Variants in SIPA1L2 observed in about 807,000 individuals in gnomAD.
SIPA1L2 encodes the protein signal-induced proliferation-associated 1-like protein 2.
SIPA1L2 carries 56 observed loss-of-function variants against 163.9 expected under a neutral mutation model. That is an observed-to-expected ratio of 0.34 (90% CI 0.28 to 0.43). The LOEUF (loss-of-function observed/expected upper bound fraction) is 0.43. Ranked by LOEUF, SIPA1L2 falls within the 20% of genes least tolerant of loss-of-function variation. SIPA1L2 has a pLI of 1.00. For synonymous variants in SIPA1L2, 877 were observed against 865.7 expected (o/e 1.01, Z -0.23); for missense variants, 1,974 against 2,193.5 (o/e 0.90, Z 2.00).
chr1:232,425,883 C>G, intron 17 of SIPA1L2, 75 bp from the exon 18 acceptor site: 1 of 1,303,782 alleles, frequency 7.7e-7, no homozygotes, highest in African/African-American at 1.4e-5. Context: ...GGACTAAGTC[C>G]AGTGGTTTCA....
At chr1:232,589,470 A>C (rs1471379862) in intron 1 of SIPA1L2, among the ~76,000 whole-genome samples, 1 of 152,234 alleles carries the variant, frequency 6.6e-6, no homozygotes, top group East Asian at 1.9e-4. Flanking sequence ...CCAATTAATT[A>C]CCATAGTTAA....
At chr1:232,480,192 T>TGTGTGTG (rs1558210858) in intron 6 of SIPA1L2, among the ~76,000 whole-genome samples, 2 of 83,126 alleles carry the variant, frequency 2.4e-5, no homozygotes, top group African/African-American at 4.5e-5. Flanking sequence ...TGTGTGTGTG[T>TGTGTGTG]TTTTACAGTT....
rs1415681545 is a variant in SIPA1L2 at position 232,588,030 on chromosome 1, T to C, written c.-318-13808A>G. Among the ~76,000 whole-genome samples the C allele has an allele frequency of 2.6e-5, 4 of 152,326 alleles. No homozygotes were observed. In the East Asian group the frequency reaches 5.8e-4, roughly 22 times the overall value. ...AACTGCCCAGTCTCGGGTATGTCTT[T>C]ATCAGCAGCAGGAAAACGGACTAAT... On this transcript the variant is annotated intron_variant, in intron 1 of 22. Coordinates refer to ENST00000674635, the MANE Select transcript of SIPA1L2 (RefSeq NM_020808.5).
In SIPA1L2 at chr1:232,578,835, T is replaced by C. The variant is rs182830953; in HGVS notation, c.-318-4613A>G. 1.1e-4 allele frequency among the ~76,000 whole-genome samples: 16 copies of C among 152,322 alleles called. 1 individual carries two copies. Among genetic ancestry groups the C allele is most frequent in the South Asian group, 8.3e-4 (4 of 4,830 alleles). The stretch of plus-strand genomic sequence containing the variant: ...AAACCACAAATTCTTCAAGTAGCAA[T>C]AGGGACTGCAGAGTTTTACTTCATT... On this transcript the variant is annotated intron_variant, in intron 1 of 22. Coordinates refer to ENST00000674635, the MANE Select transcript of SIPA1L2 (RefSeq NM_020808.5).
intron 1 of SIPA1L2, among the ~76,000 whole-genome samples, chr1:232,616,343 A>G (rs1326523369): frequency 6.6e-6 from 1 of 152,228 alleles, no homozygotes; most frequent in Non-Finnish European, 1.5e-5. Context: ...ACTAGAACAG[A>G]AGCCCAGGGA....
intron 19 of SIPA1L2, among the ~76,000 whole-genome samples, chr1:232,412,119 G>C (rs1237716857): frequency 6.6e-6 from 1 of 152,158 alleles, no homozygotes; most frequent in East Asian, 1.9e-4. Context: ...AATTGGTATA[G>C]TATAGTGGTA....
intron 11 of SIPA1L2, among the ~76,000 whole-genome samples, chr1:232,444,749 T>A (rs1015708671): frequency 6.6e-6 from 1 of 152,170 alleles, no homozygotes; most frequent in African/African-American, 2.4e-5. Flanking sequence ...AGAGGATGAG[T>A]ACCAGGCCTA....
At chr1:232,549,676 T>C (rs979182949) in intron 2 of SIPA1L2, among the ~76,000 whole-genome samples, 2 of 151,828 alleles carry the variant, frequency 1.3e-5, no homozygotes, top group African/African-American at 4.8e-5. Context: ...GGAGGGAGGA[T>C]TGAGGAGAGG....
chr1:232,477,461 T>C (rs1170215755), intron 7 of SIPA1L2, among the ~76,000 whole-genome samples: 1 of 152,220 alleles, frequency 6.6e-6, no homozygotes, highest in Non-Finnish European at 1.5e-5. Flanking sequence ...GTTTGTTGAC[T>C]TCTTACCATG....
At chr1:232,530,814 TAA>T (rs60199193) in intron 2 of SIPA1L2, among the ~76,000 whole-genome samples, 10,571 of 37,560 alleles carry the variant, frequency 0.28, 1,165 homozygotes, top group African/African-American at 0.53. Flanking sequence ...AGAGGAAAAC[TAA>T]AAAGTTAAAT....
chr1:232,428,906 A>T (rs191246859), intron 16 of SIPA1L2, among the ~76,000 whole-genome samples: 6 of 152,252 alleles, frequency 3.9e-5, no homozygotes, highest in Middle Eastern at 3.4e-3. Flanking sequence ...ATCAGAGATG[A>T]TCATATGTCT....
intron 1 of SIPA1L2, among the ~76,000 whole-genome samples, chr1:232,610,487 C>T (rs1338930413): frequency 2.0e-5 from 3 of 152,200 alleles, no homozygotes; most frequent in Admixed American, 2.0e-4. Context: ...GGGAAATGTG[C>T]CTTACTTATT....
At chr1:232,540,510 TCA>T (rs1041420242) in intron 2 of SIPA1L2, among the ~76,000 whole-genome samples, 2 of 152,114 alleles carry the variant, frequency 1.3e-5, no homozygotes, top group Admixed American at 1.3e-4. Flanking sequence ...GGGAAGGAAT[TCA>T]CAGTCTTCAC....
chr1:232,463,037 T>C (rs1173175372), intron 9 of SIPA1L2, among the ~76,000 whole-genome samples: 2 of 152,150 alleles, frequency 1.3e-5, no homozygotes, highest in East Asian at 1.9e-4. Context: ...CTATGTAATT[T>C]GTGGGGCCAC....
chr1:232,593,656 G>A (rs756172819), intron 1 of SIPA1L2, among the ~76,000 whole-genome samples: 1 of 152,114 alleles, frequency 6.6e-6, no homozygotes, highest in Admixed American at 6.5e-5. Flanking sequence ...TTAGAAGTCA[G>A]AGTGGCCAGC....
rs993690303 is a variant in SIPA1L2, at chr1:232,593,724, C to T, written c.-318-19502G>A. The stretch of plus-strand genomic sequence containing the variant: ...AGATACAAATTCTCAGTAACACACA[C>T]GCACACACAAAAATAAATAAATAAA... On this transcript the variant is annotated intron_variant, in intron 1 of 22. Transcript: ENST00000674635. 3.7e-4 allele frequency among the ~76,000 whole-genome samples: 56 copies of T among 152,016 alleles called. 1 individual carries two copies. Among genetic ancestry groups the T allele is most frequent in the Non-Finnish European group, 4.1e-4 (28 of 67,994 alleles).
At chr1:232,530,071 T>C (rs1667899451) in intron 2 of SIPA1L2, among the ~76,000 whole-genome samples, 1 of 151,974 alleles carries the variant, frequency 6.6e-6, no homozygotes, top group Non-Finnish European at 1.5e-5. Flanking sequence ...GTCTTTCTTG[T>C]ATAACCAGAA....
At chr1:232,501,844 G>A (rs938618092) in intron 3 of SIPA1L2, among the ~76,000 whole-genome samples, 1 of 152,328 alleles carries the variant, frequency 6.6e-6, no homozygotes, top group South Asian at 2.1e-4. Context: ...CATGATGGGG[G>A]ACGCAGGAGG....
chr1:232,428,609 G>C (rs537520173), intron 16 of SIPA1L2, 45 bp from the exon 17 acceptor site: 1 of 1,398,716 alleles, frequency 7.1e-7, no homozygotes, highest in Non-Finnish European at 9.4e-7. Context: ...TTTGTAAAGT[G>C]CCTGTAGTGG....
Sources: allele counts gnomAD v4.1 joint callset (sites outside exome capture counted in the v4.1 genomes callset), GRCh38; gene constraint gnomAD v4.1.1; transcripts MANE v1.5; gene names NCBI Gene and HGNC (gene_info 2026-07-23, HGNC 2026-07-21).